TBC1D13: variants seen among roughly 807,000 people sequenced by gnomAD.
TBC1D13 encodes epididymis secretory sperm binding protein.
Under a neutral mutation model 53.6 loss-of-function variants are expected in TBC1D13, and 40 were observed. That is an observed-to-expected ratio of 0.75 (90% CI 0.58 to 0.97). TBC1D13 has a LOEUF of 0.97. Among genes scored for constraint, TBC1D13 ranks in the 50% least tolerant of loss-of-function variants. The pLI is 0.00. For synonymous variants in TBC1D13, 182 were observed against 197.7 expected (o/e 0.92, Z 0.67); for missense variants, 377 against 499.4 (o/e 0.75, Z 2.34).
At chr9:128,801,408 G>A (rs1056193047) in intron 7 of TBC1D13, among the ~76,000 whole-genome samples, 2 of 151,940 alleles carry the variant, frequency 1.3e-5, no homozygotes, top group South Asian at 2.1e-4. Context: ...GCCTGGACGC[G>A]GTGGCTCATG....
chr9:128,803,322 G>T lies in TBC1D13; in HGVS notation c.616G>T (p.Ala206Ser). ...TGAGGTGCTGCCCAATGGCTGTGAG[G>T]CCCACTGGGAGGTGGTGGAGCGGAT... ...EYEVLPNGCEAHWEVVERILF... is the reference protein window; with the variant it reads ...EYEVLPNGCESHWEVVERILF... The change falls in exon 8 of 12, where the codon GCC (alanine) becomes TCC (serine). Residue 206 changes from alanine to serine, a missense_variant. Ala to Ser is a moderately conservative substitution (Grantham distance 99). Transcript: ENST00000372648. 6.2e-7 allele frequency: 1 copy of T among 1,614,182 alleles called. No individual in the cohort carries two copies.
chr9:128,794,127 G>A (rs1306703267), intron 6 of TBC1D13, among the ~76,000 whole-genome samples: 1 of 152,206 alleles, frequency 6.6e-6, no homozygotes, highest in Non-Finnish European at 1.5e-5. Flanking sequence ...AAGAGGAGGA[G>A]GCAGCAAGCT....
At chr9:128,802,728 A>T (rs1589574632) in intron 7 of TBC1D13, among the ~76,000 whole-genome samples, 1 of 141,844 alleles carries the variant, frequency 7.1e-6, no homozygotes, top group Admixed American at 7.0e-5. Flanking sequence ...GTCCTCCTTC[A>T]CATTGTCCAT....
intron 7 of TBC1D13, among the ~76,000 whole-genome samples, chr9:128,801,743 A>C (rs1234749223): frequency 1.3e-5 from 2 of 148,368 alleles, no homozygotes; most frequent in Non-Finnish European, 3.0e-5. Flanking sequence ...GACATATTTA[A>C]GATTTTTTTG....
intron 7 of TBC1D13, among the ~76,000 whole-genome samples, chr9:128,798,573 G>T (rs556432651): frequency 1.3e-5 from 2 of 152,334 alleles, no homozygotes; most frequent in Admixed American, 1.3e-4. Context: ...TAGGCAAGAG[G>T]TGGTGGGGGC....
rs545966577 is a variant in TBC1D13 at position 128,788,248 on chromosome 9, A to G, written c.24-86A>G. ...AAGGGGAGAGAGGCACAGGTTGGAA[A>G]CTGGCAGTGTGAGGGAGCTGAGGGC... On this transcript the variant is annotated intron_variant, in intron 1 of 11. Transcript: ENST00000372648. The G allele has an allele frequency of 4.4e-5, 53 of 1,191,918 alleles. No individual in the cohort carries two copies. In the East Asian group the frequency reaches 1.2e-3, roughly 26 times the overall value. The allele number at this position is 1,191,918 out of a possible 1,614,324, so 73.8% of individuals were successfully genotyped here.
chr9:128,798,864 T>TTTTG (rs945208009), intron 7 of TBC1D13, among the ~76,000 whole-genome samples: 3 of 152,122 alleles, frequency 2.0e-5, no homozygotes, highest in African/African-American at 2.4e-5. Flanking sequence ...TGACTTTGTT[T>TTTTG]TTTGTTTGTT....
intron 9 of TBC1D13, among the ~76,000 whole-genome samples, chr9:128,804,441 C>G (rs892708894): frequency 4.0e-5 from 6 of 149,774 alleles, no homozygotes; most frequent in African/African-American, 1.5e-4. Flanking sequence ...GAGTCTCGCT[C>G]TGTCGCCCAG....
chr9:128,800,068 C>G (rs920287327), intron 7 of TBC1D13, among the ~76,000 whole-genome samples: 9 of 152,176 alleles, frequency 5.9e-5, no homozygotes, highest in African/African-American at 1.2e-4. Flanking sequence ...TGATGTGTGT[C>G]TGTGTGTGTG....
At chr9:128,796,262 T>C (rs2132539235) in intron 6 of TBC1D13, among the ~76,000 whole-genome samples, 1 of 152,140 alleles carries the variant, frequency 6.6e-6, no homozygotes, top group Non-Finnish European at 1.5e-5. Flanking sequence ...ATTTTTTTTT[T>C]TTTTGAGACG....
At position 128,791,369 on chromosome 9, in the gene TBC1D13, C is replaced by G; in HGVS notation, c.139-11C>G. ...GGGTCACCAGAGCTTTGCCCTTCTC[C>G]CTCTGTGCAGATTCTCTTGAACTAC... On this transcript the variant is annotated splice_polypyrimidine_tract_variant and intron_variant, in intron 3 of 11. Coordinates refer to ENST00000372648, the MANE Select transcript of TBC1D13 (RefSeq NM_018201.5). 1 of 1,614,072 alleles carries G rather than the reference C, an allele frequency of 6.2e-7. No homozygotes were observed. The highest frequency in any genetic ancestry group is 8.5e-7 in the Non-Finnish European group (1 of 1,179,928).
At chr9:128,788,274 T>A in intron 1 of TBC1D13, 60 bp from the exon 2 acceptor site, 1 of 1,479,470 alleles carries the variant, frequency 6.8e-7, no homozygotes, top group Non-Finnish European at 9.4e-7. Context: ...AGCTGAGGGC[T>A]GTGGGTCTCA....
At chr9:128,801,645 C>T (rs1829735403) in intron 7 of TBC1D13, among the ~76,000 whole-genome samples, 2 of 151,878 alleles carry the variant, frequency 1.3e-5, no homozygotes, top group African/African-American at 4.8e-5. Flanking sequence ...CACCACTGCA[C>T]TCCAGCCTGG....
intron 2 of TBC1D13, 39 bp from the exon 3 acceptor site, chr9:128,790,696 T>A: frequency 6.5e-7 from 1 of 1,528,264 alleles, no homozygotes; most frequent in Non-Finnish European, 8.7e-7. Context: ...GTTCTGGGAC[T>A]CTGGCCTGGG....
rs1005783421 is a variant in TBC1D13 at position 128,809,689 on chromosome 9, A to T, written c.*1810A>T. On this transcript the variant is annotated 3_prime_UTR_variant, in exon 12 of 12. Coordinates refer to ENST00000372648, the MANE Select transcript of TBC1D13 (RefSeq NM_018201.5). Reference sequence around the variant, plus strand: ...AGGAGTTGGAGACAAGATCCTCTTCATTTTCCAAGATCAAAGTCAGCCTCT... The same window carrying T: ...AGGAGTTGGAGACAAGATCCTCTTCTTTTTCCAAGATCAAAGTCAGCCTCT... 12 of 152,106 alleles carry T rather than the reference A, an allele frequency of 7.9e-5. No homozygotes were observed. Among genetic ancestry groups the T allele is most frequent in the African/African-American group, 2.7e-4 (11 of 41,408 alleles). 9.4% of individuals were successfully genotyped at this position (152,106 alleles called of 1,614,324 possible). A position where few individuals can be genotyped will look rare whatever the true frequency, so the allele number is the denominator to read the frequency against.
Position 128,792,526 on chromosome 9 carries a change from C to A in TBC1D13, c.335C>A (p.Thr112Lys). Reference sequence around the variant, plus strand: ...CCCAACCCTGACAGCCGGTGGAACACGTACTTCAAGGACAACGAGGTGCTG... The same window carrying A: ...CCCAACCCTGACAGCCGGTGGAACAAGTACTTCAAGGACAACGAGGTGCTG... ...LNPNPDSRWNTYFKDNEVLLQ... is the reference protein window; with the variant it reads ...LNPNPDSRWNKYFKDNEVLLQ... The change falls in exon 6 of 12, where the codon ACG becomes AAG. Residue 112 changes from threonine (T) to lysine (K), a missense_variant. By Grantham distance (78) the Thr-to-Lys change is moderately conservative. Transcript: ENST00000372648. 1 of 1,614,158 alleles carries A rather than the reference C, an allele frequency of 6.2e-7. No individual in the cohort carries two copies. Among genetic ancestry groups the A allele is most frequent in the South Asian group, 1.1e-5 (1 of 91,082 alleles).
chr9:128,798,844 C>T (rs913696589), intron 7 of TBC1D13, among the ~76,000 whole-genome samples: 4 of 152,166 alleles, frequency 2.6e-5, no homozygotes, highest in African/African-American at 9.6e-5. Flanking sequence ...GTTTTTCTCC[C>T]CCTGGGGAAT....
chr9:128,791,306 C>T, intron 3 of TBC1D13, 74 bp from the exon 4 acceptor site: 2 of 1,373,060 alleles, frequency 1.5e-6, no homozygotes, highest in Non-Finnish European at 2.1e-6. Context: ...TTTCTTGAGG[C>T]CTGTCATCCC....
At chr9:128,788,273 C>T in intron 1 of TBC1D13, 61 bp from the exon 2 acceptor site, 1 of 1,469,434 alleles carries the variant, frequency 6.8e-7, no homozygotes. Context: ...GAGCTGAGGG[C>T]TGTGGGTCTC....
Sources: gnomAD v4.1 joint callset for allele counts (sites outside exome capture counted in the v4.1 genomes callset) on GRCh38, gnomAD v4.1.1 for gene constraint, MANE v1.5 for transcripts, NCBI Gene and HGNC (gene_info 2026-07-23, HGNC 2026-07-21) for gene names.